Variants in SYNPR observed in about 807,000 individuals in gnomAD.
The protein encoded by SYNPR is synaptoporin.
SYNPR carries 23 observed loss-of-function variants against 32.9 expected under a neutral mutation model. That is an observed-to-expected ratio of 0.70 (90% confidence interval 0.50 to 0.99). SYNPR has a LOEUF of 0.99. SYNPR is among the 50% of genes least tolerant of loss of function. SYNPR has a pLI of 0.00. For missense variants in SYNPR, 318 were observed against 349.3 expected (o/e 0.91, Z 0.71); for synonymous variants, 146 against 135.9 (o/e 1.07, Z -0.52).
chr3:63,334,146 G>T (rs1450994052), intron 2 of SYNPR, among the ~76,000 whole-genome samples: 2 of 152,216 alleles, frequency 1.3e-5, no homozygotes, highest in African/African-American at 4.8e-5. Context: ...AAATGGTTTA[G>T]CTATAGAATT....
intron 4 of SYNPR, among the ~76,000 whole-genome samples, chr3:63,591,146 G>A (rs1050360296): frequency 2.7e-5 from 4 of 150,278 alleles, no homozygotes; most frequent in Non-Finnish European, 4.4e-5. Context: ...AGTGGGCGAA[G>A]GACATGAACA....
chr3:63,305,594 G>A (rs535414614), intron 2 of SYNPR, among the ~76,000 whole-genome samples: 1 of 152,084 alleles, frequency 6.6e-6, no homozygotes, highest in East Asian at 1.9e-4. Flanking sequence ...TGGAGAAATT[G>A]TTTAATACAT....
intron 2 of SYNPR, among the ~76,000 whole-genome samples, chr3:63,264,811 G>A (rs984637653): frequency 6.6e-6 from 1 of 152,212 alleles, no homozygotes; most frequent in Middle Eastern, 3.4e-3. Context: ...TCACAGGGTG[G>A]AAGGACGGAG....
intron 2 of SYNPR, among the ~76,000 whole-genome samples, chr3:63,344,235 C>A (rs938557953): frequency 1.3e-5 from 2 of 152,142 alleles, no homozygotes; most frequent in Admixed American, 1.3e-4. Flanking sequence ...ATCAATAGCC[C>A]TTTACAAACA....
At chr3:63,435,434 C>G (rs1700064544) in intron 2 of SYNPR, among the ~76,000 whole-genome samples, 1 of 152,184 alleles carries the variant, frequency 6.6e-6, no homozygotes, top group South Asian at 2.1e-4. Flanking sequence ...CCAAATTTCT[C>G]CATTACGTAA....
At chr3:63,476,137 G>GGAAA (rs570774067) in intron 2 of SYNPR, among the ~76,000 whole-genome samples, 1,374 of 37,842 alleles carry the variant, frequency 0.036, 256 homozygotes, top group African/African-American at 0.078. Context: ...AAGGAAGGAA[G>GGAAA]GAAGGAAGGA....
intron 2 of SYNPR, among the ~76,000 whole-genome samples, chr3:63,448,606 G>A (rs1045397780): frequency 1.3e-5 from 2 of 151,930 alleles, no homozygotes; most frequent in Non-Finnish European, 2.9e-5. Context: ...AATGGCAGAG[G>A]AAAAACATTT....
upstream of SYNPR, among the ~76,000 whole-genome samples, chr3:63,274,690 A>C (rs1477485605): frequency 2.0e-5 from 3 of 152,210 alleles, no homozygotes; most frequent in Non-Finnish European, 2.9e-5. Context: ...CTCAGCCCTT[A>C]CTTGCTGAAG....
At chr3:63,315,918 T>C (rs1172614921) in intron 2 of SYNPR, among the ~76,000 whole-genome samples, 2 of 152,060 alleles carry the variant, frequency 1.3e-5, no homozygotes, top group African/African-American at 4.8e-5. Context: ...GTCCTTTGTA[T>C]GCCAATTTTG....
chr3:63,515,806 T>C (rs1464026663), intron 3 of SYNPR, among the ~76,000 whole-genome samples: 1 of 152,170 alleles, frequency 6.6e-6, no homozygotes, highest in Admixed American at 6.6e-5. Context: ...TATGTGTATA[T>C]ATACTATAGT....
chr3:63,529,476 T>A (rs1412028872), intron 3 of SYNPR, among the ~76,000 whole-genome samples: 1 of 152,178 alleles, frequency 6.6e-6, no homozygotes, highest in African/African-American at 2.4e-5. Flanking sequence ...CTAAAATGTT[T>A]GTTGGAACTA....
At chr3:63,399,937 C>G (rs34176593) in intron 2 of SYNPR, among the ~76,000 whole-genome samples, 66,906 of 151,878 alleles carry the variant, frequency 0.44, 14,785 homozygotes, top group Middle Eastern at 0.52. Context: ...TTGTGCGTAT[C>G]CTATTTCCAT....
chr3:63,301,590 C>A (rs1053885921), intron 2 of SYNPR, among the ~76,000 whole-genome samples: 2 of 151,894 alleles, frequency 1.3e-5, no homozygotes, highest in South Asian at 4.1e-4. Context: ...ATTAAAATTT[C>A]CTATACTATT....
chr3:63,570,485 C>A (rs540359253), intron 4 of SYNPR, among the ~76,000 whole-genome samples: 1 of 152,278 alleles, frequency 6.6e-6, no homozygotes, highest in East Asian at 1.9e-4. Context: ...GTACAATTTG[C>A]CATTCCCTAA....
At chr3:63,217,853 A>G in the SYNPR span, among the ~76,000 whole-genome samples, 1 of 152,156 alleles carries the variant, frequency 6.6e-6, no homozygotes, top group Admixed American at 6.5e-5. Flanking sequence ...AGCATTTGGT[A>G]AACTATTTAG....
chr3:63,222,010 A>AATTTTTTTTTT, the SYNPR span, among the ~76,000 whole-genome samples: 6 of 46,100 alleles, frequency 1.3e-4, no homozygotes, highest in Admixed American at 2.5e-4. Flanking sequence ...GGCCATGCTC[A>AATTTTTTTTTT]ATTTTTTTTT....
In SYNPR at chr3:63,480,816, T is replaced by G. The variant is rs1465470358; in HGVS notation, c.85-16T>G. On this transcript the variant is annotated splice_polypyrimidine_tract_variant and intron_variant, in intron 2 of 5. Coordinates refer to ENST00000478300, the MANE Select transcript of SYNPR (RefSeq NM_001130003.2). Reference sequence around the variant, plus strand: ...TCCTAATAACTGCCTTCTATTTGTTTAATTGTTCTCCACAGCTTTTTGCAA... The same window carrying G: ...TCCTAATAACTGCCTTCTATTTGTTGAATTGTTCTCCACAGCTTTTTGCAA... 1.2e-6 allele frequency: 2 copies of G among 1,612,128 alleles called. No homozygotes were observed. Among genetic ancestry groups the G allele is most frequent in the Admixed American group, 3.3e-5 (2 of 59,896 alleles).
At chr3:63,321,485 T>C (rs1476586479) in intron 2 of SYNPR, among the ~76,000 whole-genome samples, 3 of 152,068 alleles carry the variant, frequency 2.0e-5, no homozygotes, top group South Asian at 4.1e-4. Context: ...AGTCAAGTTA[T>C]ATGTGGGCAC....
In SYNPR at chr3:63,559,897, T is replaced by TGGAAATA. The variant is rs1438225647; in HGVS notation, c.408+3156_408+3157insGGAAATA. Among the ~76,000 whole-genome samples the TGGAAATA allele has an allele frequency of 2.0e-5, 3 of 152,212 alleles. No individual in the cohort carries two copies. In the East Asian group the frequency reaches 5.8e-4, roughly 29 times the overall value. ...TCCATGTAAACATGCTCACAGGACTTTTAAGCCTGAGGAAATATCCTGACT... is the reference window on the plus strand; with the variant it reads ...TCCATGTAAACATGCTCACAGGACTTGGAAATATTAAGCCTGAGGAAATATCCTGACT... On this transcript the variant is annotated intron_variant, in intron 4 of 5. Coordinates refer to ENST00000478300, the MANE Select transcript of SYNPR (RefSeq NM_001130003.2).
Sources: gnomAD v4.1 joint callset for allele counts (sites outside exome capture counted in the v4.1 genomes callset) on GRCh38, gnomAD v4.1.1 for gene constraint, MANE v1.5 for transcripts, NCBI Gene and HGNC (gene_info 2026-07-23, HGNC 2026-07-21) for gene names.